The following ANGPTL5 variants were observed in gnomAD, a reference collection of about 807,000 sequenced individuals.
ANGPTL5 encodes angiopoietin like 5.
Under a neutral mutation model 39.4 loss-of-function variants are expected in ANGPTL5, and 34 were observed. The observed-to-expected ratio is 0.86, with a 90% CI of 0.66 to 1.15. ANGPTL5 has a LOEUF of 1.15. ANGPTL5 is among the 50% of genes most tolerant of loss of function. The pLI is 0.00. For synonymous variants in ANGPTL5, 146 were observed against 152.1 expected, an observed-to-expected ratio of 0.96 and a Z score of 0.29; for missense variants, 467 against 457.5, an observed-to-expected ratio of 1.02 and a Z score of -0.19.
intron 7 of ANGPTL5, among the ~76,000 whole-genome samples, chr11:101,899,580 A>G (rs555944238): frequency 2.1e-3 from 318 of 152,370 alleles, no homozygotes; most frequent in Non-Finnish European, 2.8e-3. Context: ...GAAGCACTCA[A>G]TGGAAAAATC....
At chr11:101,900,575 A>G in intron 6 of ANGPTL5, 25 bp from the exon 7 acceptor site, 1 of 1,602,810 alleles carries the variant, frequency 6.2e-7, no homozygotes, top group Non-Finnish European at 8.5e-7. Context: ...GAGAAGACCA[A>G]AATAATACAC....
rs762384610 is a variant in ANGPTL5 at position 101,904,865 on chromosome 11, C to T, written c.388G>A (p.Val130Ile). Residue 130 changes from valine to isoleucine, a missense_variant, in exon 5 of 9, where the codon GTT becomes ATT. Coordinates refer to ENST00000334289, the MANE Select transcript of ANGPTL5 (RefSeq NM_178127.5). Reference protein sequence around the residue: ...MNRVLLLTTEVFRKQLDPFPH... With the variant: ...MNRVLLLTTEIFRKQLDPFPH... The stretch of plus-strand genomic sequence containing the variant: ...AAAGGATCCAGCTGTTTTCTAAAAA[C>T]TTCTGTAGTCAAAAGGAGAACTCTA... 1.9e-6 allele frequency: 3 copies of T among 1,613,716 alleles called. No homozygotes were observed. The highest frequency in any genetic ancestry group is 2.2e-5 in the East Asian group (1 of 44,858).
At chr11:101,913,118 AC>A (rs984934124) in intron 1 of ANGPTL5, among the ~76,000 whole-genome samples, 7 of 152,192 alleles carry the variant, frequency 4.6e-5, no homozygotes, top group Non-Finnish European at 7.3e-5. Flanking sequence ...AGCCATAACT[AC>A]AGCTTTGATT....
intron 1 of ANGPTL5, chr11:101,915,274 T>G: frequency 6.2e-7 from 1 of 1,613,242 alleles, no homozygotes; most frequent in Non-Finnish European, 8.5e-7. Context: ...CAGGCGGCGC[T>G]GAAGTGAAGG....
intron 1 of ANGPTL5, among the ~76,000 whole-genome samples, chr11:101,910,474 C>A (rs1286948486): frequency 6.7e-6 from 1 of 148,918 alleles, no homozygotes; most frequent in African/African-American, 2.5e-5. Flanking sequence ...TGTGAATATG[C>A]TTTATAACCA....
Position 101,890,879 on chromosome 11 carries a change from G to C in ANGPTL5, c.*400C>G, listed in dbSNP as rs956817752. 4.4e-5 allele frequency: 7 copies of C among 160,260 alleles called. No individual in the cohort carries two copies. The highest frequency in any genetic ancestry group is 6.9e-5 in the Non-Finnish European group (5 of 72,946). 9.9% of individuals were successfully genotyped at this position (160,260 alleles called of 1,614,324 possible). A position where few individuals can be genotyped will look rare whatever the true frequency, so the allele number is the denominator to read the frequency against. ...AAGTTATTTATTGTAACTGTCTTCA[G>C]TAGAAATTATCTGTAGATTATATAA... is the stretch of plus-strand genomic sequence containing the variant. On this transcript the variant is annotated 3_prime_UTR_variant, in exon 9 of 9. Transcript: ENST00000334289.
intron 5 of ANGPTL5, among the ~76,000 whole-genome samples, chr11:101,903,118 G>A (rs1206355342): frequency 6.6e-6 from 1 of 152,080 alleles, no homozygotes; most frequent in East Asian, 1.9e-4. Flanking sequence ...AAAACCAAAA[G>A]GAATAAGTAG....
At position 101,893,122 on chromosome 11, in the gene ANGPTL5, A is replaced by G. The variant is rs183770096; in HGVS notation, c.848-1524T>C. Among the ~76,000 whole-genome samples, 208 of 152,310 alleles carry G rather than the reference A, an allele frequency of 1.4e-3. 1 individual carries two copies. The highest frequency in any genetic ancestry group is 4.9e-3 in the African/African-American group (202 of 41,574). ...TCATATAGCACATAAGCTCCTCAAG[A>G]GATTTTATTTAATTCATTTAAAAAA... On this transcript the variant is annotated intron_variant, in intron 8 of 8. Coordinates refer to ENST00000334289, the MANE Select transcript of ANGPTL5 (RefSeq NM_178127.5).
Position 101,894,872 on chromosome 11 carries a change from AT to A in ANGPTL5, c.847+6del, listed in dbSNP as rs1270598536. 8 of 1,608,218 alleles carry A rather than the reference AT, an allele frequency of 5.0e-6. No homozygotes were observed. The highest frequency in any genetic ancestry group is 1.7e-5 in the Admixed American group (1 of 59,918). ...CTGGATAATTTTAGGAATAAAAAAAATCTTACCAGCATTTCCTGAATACCGT... is the reference window on the plus strand; with the variant it reads ...CTGGATAATTTTAGGAATAAAAAAAACTTACCAGCATTTCCTGAATACCGT... On this transcript the variant is annotated splice_donor_region_variant and intron_variant, in intron 8 of 8. Transcript: ENST00000334289.
intron 1 of ANGPTL5, among the ~76,000 whole-genome samples, chr11:101,910,617 C>T (rs557147321): frequency 6.6e-6 from 1 of 152,160 alleles, no homozygotes; most frequent in African/African-American, 2.4e-5. Context: ...CCTTATTCCA[C>T]CCCTACCTAT....
intron 6 of ANGPTL5, among the ~76,000 whole-genome samples, chr11:101,902,405 AG>A (rs1939919652): frequency 6.6e-6 from 1 of 152,196 alleles, no homozygotes; most frequent in African/African-American, 2.4e-5. Context: ...CAAATAGAAA[AG>A]TGAAAGACAG....
chr11:101,905,569 A>G (rs1939984554), intron 4 of ANGPTL5, among the ~76,000 whole-genome samples, 175 bp downstream of exon 4: 1 of 152,114 alleles, frequency 6.6e-6, no homozygotes, highest in Non-Finnish European at 1.5e-5. Context: ...CCCTTGAATT[A>G]AGTTCGATTT....
At chr11:101,908,037 T>TA (rs1940028835) in intron 1 of ANGPTL5, 36 bp from the exon 2 acceptor site, 6 of 691,486 alleles carry the variant, frequency 8.7e-6, no homozygotes, top group Non-Finnish European at 1.5e-5. Flanking sequence ...AGCCAAAACT[T>TA]ACTAGTTTCC....
chr11:101,910,416 A>G (rs1455546436), intron 1 of ANGPTL5, among the ~76,000 whole-genome samples: 3 of 100,084 alleles, frequency 3.0e-5, no homozygotes, highest in African/African-American at 1.1e-4. Context: ...GTCTCAAAAA[A>G]AAAAAAAAAT....
At chr11:101,910,174 G>T (rs1940065120) in intron 1 of ANGPTL5, among the ~76,000 whole-genome samples, 1 of 152,086 alleles carries the variant, frequency 6.6e-6, no homozygotes. Context: ...ACTTTGGGAG[G>T]CTGAGGCGGG....
intron 3 of ANGPTL5, among the ~76,000 whole-genome samples, chr11:101,906,208 A>C (rs534728920): frequency 6.6e-6 from 1 of 152,146 alleles, no homozygotes; most frequent in Non-Finnish European, 1.5e-5. Flanking sequence ...CTGTAAAAGA[A>C]AGTTAGTGGT....
chr11:101,893,417 G>C (rs1008538197), intron 8 of ANGPTL5, among the ~76,000 whole-genome samples: 16 of 152,010 alleles, frequency 1.1e-4, no homozygotes, highest in African/African-American at 3.9e-4. Flanking sequence ...TTAACCCATT[G>C]GTTTTATCTG....
intron 6 of ANGPTL5, among the ~76,000 whole-genome samples, chr11:101,901,015 C>CTTTTTTTTTTTTTTTT (rs34425298): frequency 4.1e-5 from 4 of 98,652 alleles, no homozygotes; most frequent in Non-Finnish European, 5.8e-5. Flanking sequence ...GCACCCCCGG[C>CTTTTTTTTTTTTTTTT]TTTTTTTTTT....
At chr11:101,899,546 A>G (rs540855460) in intron 7 of ANGPTL5, among the ~76,000 whole-genome samples, 2 of 152,344 alleles carry the variant, frequency 1.3e-5, no homozygotes, top group Non-Finnish European at 2.9e-5. Flanking sequence ...CTGCATATGG[A>G]TCTATAACTA....
Sources: gnomAD v4.1 joint callset for allele counts (sites outside exome capture counted in the v4.1 genomes callset) on GRCh38, gnomAD v4.1.1 for gene constraint, MANE v1.5 for transcripts, NCBI Gene and HGNC (gene_info 2026-07-23, HGNC 2026-07-21) for gene names.